The following SDK1 variants were observed in gnomAD, a reference collection of about 807,000 sequenced individuals.
SDK1 encodes the protein sidekick cell adhesion molecule 1.
In SDK1, 157 loss-of-function variants were observed where a neutral mutation model predicts 245.5. The observed-to-expected ratio is 0.64, with a 90% CI of 0.56 to 0.73. The LOEUF is 0.73. Among genes scored for constraint, SDK1 ranks in the 30% least tolerant of loss-of-function variants. The probability of loss-of-function intolerance (pLI) is 0.00; values close to 1 mark genes in which losing one functional copy is unlikely to be tolerated. For missense variants in SDK1, 3,583 were observed against 3,002.3 expected, an observed-to-expected ratio of 1.19 and a Z score of -4.52; for synonymous variants, 1,647 against 1,278.5, an observed-to-expected ratio of 1.29 and a Z score of -6.15.
At chr7:3,939,392 G>T (rs1354609274) in intron 5 of SDK1, among the ~76,000 whole-genome samples, 1 of 152,234 alleles carries the variant, frequency 6.6e-6, no homozygotes, top group Non-Finnish European at 1.5e-5. Context: ...CCACGTCCAG[G>T]GGCTGGGCCA....
intron 4 of SDK1, among the ~76,000 whole-genome samples, chr7:3,714,677 T>C (rs1785149782): frequency 6.6e-6 from 1 of 152,236 alleles, no homozygotes. Flanking sequence ...AACTGCTGTG[T>C]AATTAATTTC....
At chr7:3,817,775 T>G (rs1007026090) in intron 4 of SDK1, among the ~76,000 whole-genome samples, 8 of 152,208 alleles carry the variant, frequency 5.3e-5, no homozygotes, top group Non-Finnish European at 1.5e-5. Flanking sequence ...TCCTCGGATT[T>G]CATCTTTTCT....
At chr7:3,985,974 G>A (rs943408594) in intron 13 of SDK1, among the ~76,000 whole-genome samples, 3 of 152,082 alleles carry the variant, frequency 2.0e-5, no homozygotes, top group African/African-American at 4.8e-5. Flanking sequence ...GCGGTGACCC[G>A]GGTCACACTC....
chr7:3,664,638 G>C lies in SDK1; in HGVS notation c.713+22533G>C, dbSNP rs191272721. ...ATCTGTAATCCCAGCTGCTTGGAAGGCTGAGGCACAAGAATCGCTTGAACC... is the reference window on the plus strand; with the variant it reads ...ATCTGTAATCCCAGCTGCTTGGAAGCCTGAGGCACAAGAATCGCTTGAACC... On this transcript the variant is annotated intron_variant, in intron 4 of 44. Transcript: ENST00000404826. Among the ~76,000 whole-genome samples the C allele has an allele frequency of 7.4e-3, 1,117 of 151,928 alleles. 59 individuals carry two copies. The highest frequency in any genetic ancestry group is 0.069 in the Admixed American group (1,047 of 15,260).
intron 1 of SDK1, among the ~76,000 whole-genome samples, chr7:3,396,885 C>G (rs1052684810): frequency 7.9e-5 from 12 of 151,232 alleles, no homozygotes; most frequent in African/African-American, 2.9e-4. Context: ...TTTAAGTATA[C>G]CTTTTCATTA....
At chr7:3,721,726 A>G (rs1778811181) in intron 4 of SDK1, among the ~76,000 whole-genome samples, 1 of 152,132 alleles carries the variant, frequency 6.6e-6, no homozygotes. Context: ...TGTTCCCAGG[A>G]TTAAGAAAGA....
At chr7:3,726,983 C>A (rs1779029473) in intron 4 of SDK1, among the ~76,000 whole-genome samples, 1 of 152,190 alleles carries the variant, frequency 6.6e-6, no homozygotes, top group South Asian at 2.1e-4. Flanking sequence ...ACTGTAATTG[C>A]CTGTCTTCCT....
At chr7:3,393,795 G>C (rs564370005) in intron 1 of SDK1, among the ~76,000 whole-genome samples, 2 of 152,072 alleles carry the variant, frequency 1.3e-5, no homozygotes, top group Non-Finnish European at 2.9e-5. Context: ...GCTATTTTGA[G>C]TTCTTGAAAG....
chr7:3,535,937 T>C (rs1402898438), intron 1 of SDK1, among the ~76,000 whole-genome samples: 1 of 152,188 alleles, frequency 6.6e-6, no homozygotes, highest in East Asian at 1.9e-4. Context: ...CCTGAACATA[T>C]TTATTACTAG....
intron 5 of SDK1, among the ~76,000 whole-genome samples, chr7:3,878,633 A>C (rs1320634919): frequency 6.6e-6 from 1 of 152,214 alleles, no homozygotes; most frequent in East Asian, 1.9e-4. Flanking sequence ...GAAATCTTAA[A>C]TATCATCTCA....
chr7:3,774,106 T>G (rs1180163637), intron 4 of SDK1, among the ~76,000 whole-genome samples: 1 of 151,566 alleles, frequency 6.6e-6, no homozygotes, highest in Admixed American at 6.6e-5. Context: ...TCCTAGTTAC[T>G]TGGGAGGCTG....
At chr7:4,083,221 C>G (rs1781174962) in intron 22 of SDK1, among the ~76,000 whole-genome samples, 1 of 152,086 alleles carries the variant, frequency 6.6e-6, no homozygotes, top group Non-Finnish European at 1.5e-5. Context: ...TGAACAGGTT[C>G]CTCACCCTCA....
chr7:4,154,646 G>A (rs1260505868), intron 30 of SDK1, among the ~76,000 whole-genome samples: 2 of 152,152 alleles, frequency 1.3e-5, no homozygotes, highest in African/African-American at 2.4e-5. Context: ...ATGAGGATGC[G>A]TGATGGGATG....
chr7:3,361,117 GA>G (rs905259870), intron 1 of SDK1, among the ~76,000 whole-genome samples: 6 of 151,916 alleles, frequency 3.9e-5, no homozygotes, highest in Admixed American at 3.3e-4. Context: ...TAAATTCCTA[GA>G]AAAAAATCTG....
chr7:4,079,422 G>C, intron 21 of SDK1, 41 bp from the exon 22 acceptor site: 1 of 1,609,834 alleles, frequency 6.2e-7, no homozygotes, highest in Non-Finnish European at 8.5e-7. Flanking sequence ...AAGCTGTGAC[G>C]GACTGTAAAT....
chr7:4,138,748 CAA>C (rs55654163), intron 28 of SDK1, among the ~76,000 whole-genome samples: 26 of 141,728 alleles, frequency 1.8e-4, no homozygotes, highest in Non-Finnish European at 2.9e-4. Flanking sequence ...AACTCTGTCT[CAA>C]AAAAAAAAAA....
At chr7:3,447,997 C>T (rs893914093) in intron 1 of SDK1, among the ~76,000 whole-genome samples, 1 of 152,154 alleles carries the variant, frequency 6.6e-6, no homozygotes, top group Non-Finnish European at 1.5e-5. Flanking sequence ...AGCCACTGCA[C>T]CCGGCCTATA....
chr7:4,033,572 C>T (rs1015444297), intron 17 of SDK1, among the ~76,000 whole-genome samples: 4 of 151,700 alleles, frequency 2.6e-5, no homozygotes, highest in Non-Finnish European at 5.9e-5. Context: ...AGTTTATATC[C>T]CAGAGAAATG....
chr7:3,758,545 A>G (rs1780002934), intron 4 of SDK1, among the ~76,000 whole-genome samples: 1 of 152,214 alleles, frequency 6.6e-6, no homozygotes, highest in African/African-American at 2.4e-5. Context: ...TTTAATTTGT[A>G]GGTCAAATGG....
Sources: allele counts gnomAD v4.1 joint callset (sites outside exome capture counted in the v4.1 genomes callset), GRCh38; gene constraint gnomAD v4.1.1; transcripts MANE v1.5; gene names NCBI Gene and HGNC (gene_info 2026-07-23, HGNC 2026-07-21).